The following NUP210L variants were observed in gnomAD, a reference collection of about 807,000 sequenced individuals.
NUP210L encodes the protein nucleoporin 210 like.
In NUP210L, 74 loss-of-function variants were observed where a neutral mutation model predicts 208.5. That is an observed-to-expected ratio of 0.35 (90% CI 0.29 to 0.43). The LOEUF (loss-of-function observed/expected upper bound fraction) is 0.43. NUP210L is among the 20% of genes least tolerant of loss of function. The pLI is 1.00. For missense variants in NUP210L, 1,843 were observed against 2,289.4 expected (o/e 0.81, Z 3.98); for synonymous variants, 780 against 816.9 (o/e 0.95, Z 0.77).
At chr1:154,045,128 A>G (rs538795123) in intron 27 of NUP210L, among the ~76,000 whole-genome samples, 3 of 152,188 alleles carry the variant, frequency 2.0e-5, no homozygotes, top group Admixed American at 6.6e-5. Flanking sequence ...TCGTTGATAT[A>G]AGACACCCAG....
chr1:154,014,057 G>T (rs1381526871), intron 33 of NUP210L, among the ~76,000 whole-genome samples: 1 of 152,054 alleles, frequency 6.6e-6, no homozygotes, highest in Admixed American at 6.6e-5. Flanking sequence ...GAGCCACCAT[G>T]CCCAGCCCTT....
chr1:154,081,980 C>CA (rs1655356645), intron 16 of NUP210L, among the ~76,000 whole-genome samples: 1 of 151,892 alleles, frequency 6.6e-6, no homozygotes, highest in African/African-American at 2.4e-5. Context: ...GACCCTGTGT[C>CA]AAAAAACAAA....
chr1:154,152,971 A>G, intron 1 of NUP210L, 99 bp from the exon 2 acceptor site: 1 of 990,928 alleles, frequency 1.0e-6, no homozygotes, highest in Non-Finnish European at 1.5e-6. Context: ...ACATACTACC[A>G]GGTATATGTA....
intron 23 of NUP210L, among the ~76,000 whole-genome samples, chr1:154,056,254 A>C (rs1653866162): frequency 6.6e-6 from 1 of 152,186 alleles, no homozygotes; most frequent in Non-Finnish European, 1.5e-5. Context: ...TCCTGGGCTC[A>C]AGTGACACTC....
chr1:154,091,244 T>G (rs2148047955), intron 15 of NUP210L, among the ~76,000 whole-genome samples: 1 of 151,606 alleles, frequency 6.6e-6, no homozygotes, highest in East Asian at 1.9e-4. Flanking sequence ...TACAGGCACG[T>G]GCAACCACAC....
chr1:154,125,633 G>A (rs540693017), intron 10 of NUP210L, among the ~76,000 whole-genome samples: 54 of 1,070 alleles, frequency 0.05, no homozygotes, highest in African/African-American at 0.091. Flanking sequence ...AAGGAAGGAA[G>A]GAAGGAAGGA....
At chr1:154,041,096 C>A (rs892450883) in intron 27 of NUP210L, among the ~76,000 whole-genome samples, 1 of 152,088 alleles carries the variant, frequency 6.6e-6, no homozygotes, top group African/African-American at 2.4e-5. Flanking sequence ...TCCCAAGTAG[C>A]TGAGACTACA....
intron 27 of NUP210L, among the ~76,000 whole-genome samples, chr1:154,045,030 C>T (rs1236046523): frequency 1.3e-5 from 2 of 152,088 alleles, no homozygotes; most frequent in Non-Finnish European, 2.9e-5. Flanking sequence ...CCAGATACAG[C>T]AGGTAGTGAA....
chr1:154,135,829 C>T, exon 7 of NUP210L: 1 of 1,614,020 alleles, frequency 6.2e-7, no homozygotes, highest in Non-Finnish European at 8.5e-7. Context: ...TGGACAAAGA[C>T]AAGATTAGTC....
chr1:154,100,230 G>A, intron 13 of NUP210L, 87 bp from the exon 14 acceptor site: 1 of 1,238,032 alleles, frequency 8.1e-7, no homozygotes, highest in South Asian at 1.3e-5. Flanking sequence ...CAGGAAGATT[G>A]CTTGAGCTCC....
At chr1:154,025,465 A>T (rs1429795321) in intron 30 of NUP210L, 77 bp downstream of exon 30, 23 of 1,064,894 alleles carry the variant, frequency 2.2e-5, no homozygotes, top group Middle Eastern at 2.9e-4. Context: ...CTAGTTTTTT[A>T]AAAAAGAAAC....
exon 32 of NUP210L, chr1:154,022,328 A>G (rs1224131546): frequency 1.2e-6 from 2 of 1,613,932 alleles, no homozygotes; most frequent in South Asian, 1.1e-5. Context: ...CTGGTCCAAT[A>G]TGCAGCAAGT....
At chr1:154,024,932 T>G (rs1307752679) in intron 30 of NUP210L, among the ~76,000 whole-genome samples, 257 of 140,258 alleles carry the variant, frequency 1.8e-3, no homozygotes, top group African/African-American at 6.7e-3. Flanking sequence ...GTTTTTTTTT[T>G]TTTTTTTTTT....
chr1:154,029,971 A>G, exon 28 of NUP210L: 1 of 1,612,794 alleles, frequency 6.2e-7, no homozygotes, highest in Non-Finnish European at 8.5e-7. Context: ...TGCAGTGAAC[A>G]GTGACCTTGA....
chr1:154,064,586 C>T (rs1427633532), intron 17 of NUP210L, among the ~76,000 whole-genome samples: 2 of 152,128 alleles, frequency 1.3e-5, no homozygotes, highest in Admixed American at 6.6e-5. Context: ...TTGCACTTAA[C>T]ACAGTTGTAA....
At position 154,138,256 on chromosome 1, in the gene NUP210L, G is replaced by GA; in HGVS notation, c.718-19_718-18insT. 2.7e-6 allele frequency: 4 copies of GA among 1,488,226 alleles called. No individual in the cohort carries two copies. Among genetic ancestry groups the GA allele is most frequent in the Non-Finnish European group, 2.7e-6 (3 of 1,130,238 alleles). 92.2% of individuals were successfully genotyped at this position (1,488,226 alleles called of 1,614,324 possible). ...GCCACTTTCTAAAAGAGGGAGGGAA[G>GA]GAAAAAAAAAAACAGTTTCCATGGA... On this transcript the variant is annotated intron_variant, in intron 5 of 39. Coordinates refer to ENST00000368559, the Ensembl canonical transcript of NUP210L.
chr1:154,027,104 A>AAAAAAAAAAAAC (rs1651936653), intron 29 of NUP210L, among the ~76,000 whole-genome samples: 1 of 147,400 alleles, frequency 6.8e-6, no homozygotes, highest in Non-Finnish European at 1.5e-5. Context: ...AAACAAAAAA[A>AAAAAAAAAAAAC]AAAAAACAAA....
chr1:154,152,421 A>C (rs1039230219), intron 2 of NUP210L, among the ~76,000 whole-genome samples: 12 of 147,438 alleles, frequency 8.1e-5, no homozygotes, highest in Non-Finnish European at 1.5e-4. Flanking sequence ...TGATCCACCC[A>C]CCTCGGCCTC....
chr1:154,045,497 TAAAAG>T (rs1294133526), intron 27 of NUP210L, among the ~76,000 whole-genome samples: 2 of 152,150 alleles, frequency 1.3e-5, no homozygotes, highest in Non-Finnish European at 2.9e-5. Context: ...AATACAATAT[TAAAAG>T]AAAGATCACT....
Sources: gnomAD v4.1 joint callset for allele counts (sites outside exome capture counted in the v4.1 genomes callset) on GRCh38, gnomAD v4.1.1 for gene constraint, MANE v1.5 for transcripts, NCBI Gene and HGNC (gene_info 2026-07-23, HGNC 2026-07-21) for gene names.